The following SYT16 variants were observed in gnomAD, a reference collection of about 807,000 sequenced individuals.
SYT16 encodes the protein synaptotagmin 16, also known as synaptotagmin-16.
SYT16 carries 42 observed loss-of-function variants against 61.4 expected under a neutral mutation model. The ratio of observed to expected loss-of-function variants is 0.68; its 90% CI spans 0.53 to 0.89. The LOEUF (loss-of-function observed/expected upper bound fraction) is 0.89. Among genes scored for constraint, SYT16 ranks in the 40% least tolerant of loss-of-function variants. The pLI is 0.00. For synonymous variants in SYT16, 314 were observed against 302.3 expected (o/e 1.04, Z -0.40); for missense variants, 804 against 807.3 (o/e 1.00, Z 0.05).
At chr14:61,895,442 ATCTTTT>A (rs2048293318) in intron 1 of SYT16, among the ~76,000 whole-genome samples, 1 of 152,098 alleles carries the variant, frequency 6.6e-6, no homozygotes, top group Non-Finnish European at 1.5e-5. Context: ...TATTCATTGA[ATCTTTT>A]TCTTGTTCAA....
intron 3 of SYT16, among the ~76,000 whole-genome samples, chr14:62,050,914 G>C (rs1180734391): frequency 6.6e-6 from 1 of 152,174 alleles, no homozygotes; most frequent in Non-Finnish European, 1.5e-5. Flanking sequence ...GGCTACTGGG[G>C]GTCAGGGACC....
intron 1 of SYT16, among the ~76,000 whole-genome samples, chr14:61,924,435 T>TAGC (rs947143116): frequency 6.6e-6 from 1 of 152,220 alleles, no homozygotes; most frequent in African/African-American, 2.4e-5. Flanking sequence ...GAAGTGTTTG[T>TAGC]AGCAGCAGCA....
chr14:61,898,936 T>G (rs1386580940), intron 1 of SYT16, among the ~76,000 whole-genome samples: 1 of 152,212 alleles, frequency 6.6e-6, no homozygotes, highest in East Asian at 1.9e-4. Context: ...AATTGAGTTT[T>G]ATTTTTCATA....
chr14:61,893,897 G>A lies in SYT16; in HGVS notation c.-324-76235G>A, dbSNP rs185381277. On this transcript the variant is annotated intron_variant, in intron 1 of 7. Coordinates refer to ENST00000683842, the MANE Select transcript of SYT16 (RefSeq NM_001367656.1). ...GAGAGCCTGTGGCTCCTCTCTCAGC[G>A]GTGGCCTTTTTCTTTTGCAAATCTT... Among the ~76,000 whole-genome samples, 1,025 of 152,296 alleles carry A rather than the reference G, an allele frequency of 6.7e-3. 9 individuals carry two copies. The highest frequency in any genetic ancestry group is 0.018 in the African/African-American group (768 of 41,554).
At chr14:62,071,998 T>C (rs1234064384) in intron 4 of SYT16, among the ~76,000 whole-genome samples, 1 of 152,220 alleles carries the variant, frequency 6.6e-6, no homozygotes, top group African/African-American at 2.4e-5. Context: ...TTTAGGATTA[T>C]TGCACACTAA....
intron 3 of SYT16, among the ~76,000 whole-genome samples, chr14:62,026,122 A>C (rs1051515412): frequency 6.6e-6 from 1 of 152,122 alleles, no homozygotes; most frequent in Non-Finnish European, 1.5e-5. Context: ...CAAAGTTTGG[A>C]GTAGCTCTTT....
At chr14:61,905,266 A>C (rs1566667934) in intron 1 of SYT16, among the ~76,000 whole-genome samples, 1 of 151,880 alleles carries the variant, frequency 6.6e-6, no homozygotes, top group African/African-American at 2.4e-5. Context: ...TTAAGCTTTT[A>C]TCAAGTATTA....
intron 1 of SYT16, among the ~76,000 whole-genome samples, chr14:61,854,621 T>C (rs2046720432): frequency 6.6e-6 from 1 of 152,252 alleles, no homozygotes; most frequent in African/African-American, 2.4e-5. Context: ...TCTTGTGCAT[T>C]TGTTTAGGGA....
chr14:62,084,147 G>GAGT, intron 6 of SYT16, 49 bp from the exon 7 acceptor site: 1 of 1,574,074 alleles, frequency 6.4e-7, no homozygotes, highest in Non-Finnish European at 8.6e-7. Flanking sequence ...CTCTAAAAGA[G>GAGT]AGTAGTGCAG....
chr14:62,026,795 T>C (rs898930243), intron 3 of SYT16, among the ~76,000 whole-genome samples: 4 of 152,184 alleles, frequency 2.6e-5, no homozygotes, highest in Non-Finnish European at 5.9e-5. Context: ...CTTCTAGTAA[T>C]GTATTGGCTT....
At chr14:61,877,963 A>T (rs1460139441) in intron 1 of SYT16, among the ~76,000 whole-genome samples, 1 of 152,170 alleles carries the variant, frequency 6.6e-6, no homozygotes, top group African/African-American at 2.4e-5. Flanking sequence ...ACACAGGCAC[A>T]CACTGCCAGT....
At chr14:62,039,603 A>G (rs1286458754) in intron 3 of SYT16, among the ~76,000 whole-genome samples, 1 of 152,182 alleles carries the variant, frequency 6.6e-6, no homozygotes, top group Non-Finnish European at 1.5e-5. Context: ...ATGCTTAATG[A>G]ATTTAATACA....
At chr14:61,847,415 G>A (rs1451284388) in intron 1 of SYT16, among the ~76,000 whole-genome samples, 1 of 152,132 alleles carries the variant, frequency 6.6e-6, no homozygotes, top group Non-Finnish European at 1.5e-5. Context: ...AAAGCCTGCT[G>A]CCTGATGTAT....
chr14:62,095,961 A>C (rs989256690), intron 7 of SYT16, among the ~76,000 whole-genome samples: 1 of 152,000 alleles, frequency 6.6e-6, no homozygotes, highest in Non-Finnish European at 1.5e-5. Flanking sequence ...TGAAGCTTGG[A>C]AACTTGATAT....
intron 2 of SYT16, among the ~76,000 whole-genome samples, chr14:61,986,458 T>C (rs2052318429): frequency 6.7e-6 from 1 of 150,092 alleles, no homozygotes; most frequent in Admixed American, 6.6e-5. Context: ...TATATATATA[T>C]ATTTTTATTA....
Position 61,871,867 on chromosome 14 carries a change from T to C in SYT16, c.-325+59057T>C, listed in dbSNP as rs2047342648. On this transcript the variant is annotated intron_variant, in intron 1 of 7. Transcript: ENST00000683842. ...TGTCCTCTATGAAGTTTTTAGGCAATATTGTTGGTAAAATGAGACTTTGGA... is the reference window on the plus strand; with the variant it reads ...TGTCCTCTATGAAGTTTTTAGGCAACATTGTTGGTAAAATGAGACTTTGGA... 2.0e-5 allele frequency among the ~76,000 whole-genome samples: 3 copies of C among 152,224 alleles called. 1 individual carries two copies. In the South Asian group the frequency reaches 6.2e-4, roughly 32 times the overall value.
At chr14:61,894,338 C>T (rs1021964167) in intron 1 of SYT16, among the ~76,000 whole-genome samples, 3 of 151,438 alleles carry the variant, frequency 2.0e-5, no homozygotes, top group East Asian at 1.9e-4. Context: ...GTTCTCTCTC[C>T]GTACCCACCC....
Position 61,836,170 on chromosome 14 carries a change from C to T in SYT16, c.-325+23360C>T, listed in dbSNP as rs181627306. Among the ~76,000 whole-genome samples the T allele has an allele frequency of 8.3e-3, 1,262 of 152,306 alleles. 7 individuals carry two copies. Among genetic ancestry groups the T allele is most frequent in the Middle Eastern group, 0.031 (9 of 294 alleles). Reference sequence around the variant, plus strand: ...TATCTTTGTATAACCCAGAGGTCAGCTCAAGTCTTTACTCCTGTATCCTTC... The same window carrying T: ...TATCTTTGTATAACCCAGAGGTCAGTTCAAGTCTTTACTCCTGTATCCTTC... On this transcript the variant is annotated intron_variant, in intron 1 of 7. Transcript: ENST00000683842.
intron 7 of SYT16, among the ~76,000 whole-genome samples, chr14:62,087,075 T>C (rs2056910324): frequency 6.6e-6 from 1 of 152,208 alleles, no homozygotes; most frequent in Non-Finnish European, 1.5e-5. Context: ...TGGTTTTTCA[T>C]TATGTCTCGC....
Sources: allele counts gnomAD v4.1 joint callset (sites outside exome capture counted in the v4.1 genomes callset), GRCh38; gene constraint gnomAD v4.1.1; transcripts MANE v1.5; gene names NCBI Gene and HGNC (gene_info 2026-07-23, HGNC 2026-07-21).